OXR1: variants seen among roughly 807,000 people sequenced by gnomAD.
OXR1 encodes the protein oxidation resistance protein 1.
A neutral mutation model predicts 104.6 loss-of-function variants in OXR1; 41 were observed. The ratio of observed to expected loss-of-function variants is 0.39; its 90% CI spans 0.31 to 0.51. The LOEUF is 0.51. Ranked by LOEUF, OXR1 falls within the 20% of genes least tolerant of loss-of-function variation. OXR1 has a pLI of 0.77. For missense variants in OXR1, 955 were observed against 1,031.9 expected (o/e 0.93, Z 1.02); for synonymous variants, 348 against 348.4 (o/e 1.00, Z 0.01).
At chr8:106,651,108 T>C (rs1158264137) in intron 3 of OXR1, among the ~76,000 whole-genome samples, 1 of 152,180 alleles carries the variant, frequency 6.6e-6, no homozygotes, top group Non-Finnish European at 1.5e-5. Context: ...AAAATGACCC[T>C]CTTTGATGAT....
At chr8:106,581,498 T>A (rs187921116) in intron 3 of OXR1, among the ~76,000 whole-genome samples, 1 of 148,934 alleles carries the variant, frequency 6.7e-6, no homozygotes, top group Non-Finnish European at 1.5e-5. Flanking sequence ...TGATTCTGTG[T>A]TTTTTTTTTA....
intron 2 of OXR1, among the ~76,000 whole-genome samples, chr8:106,393,201 GAAGCAGT>G (rs1817648881): frequency 6.6e-6 from 1 of 152,164 alleles, no homozygotes; most frequent in Non-Finnish European, 1.5e-5. Context: ...GAAATTAGTA[GAAGCAGT>G]ATGGGCGAAT....
chr8:106,588,514 G>A (rs999880740), intron 3 of OXR1, among the ~76,000 whole-genome samples: 1 of 148,002 alleles, frequency 6.8e-6, no homozygotes, highest in African/African-American at 2.5e-5. Context: ...TTTTGAGACA[G>A]TCTTGCTCTG....
At chr8:106,421,350 T>C (rs1390671131) in intron 2 of OXR1, among the ~76,000 whole-genome samples, 1 of 152,154 alleles carries the variant, frequency 6.6e-6, no homozygotes, top group East Asian at 1.9e-4. Context: ...ATTGCCAAAA[T>C]AGTAGAATGC....
intron 2 of OXR1, among the ~76,000 whole-genome samples, chr8:106,444,642 A>T (rs1819938780): frequency 6.6e-6 from 1 of 152,102 alleles, no homozygotes; most frequent in African/African-American, 2.4e-5. Context: ...AACAATGAGA[A>T]CACAAGGACA....
intron 8 of OXR1, 93 bp downstream of exon 8, chr8:106,703,183 T>C (rs1830736705): frequency 1.4e-6 from 1 of 732,566 alleles, no homozygotes; most frequent in Non-Finnish European, 2.2e-6. Flanking sequence ...AGTTTTCTTA[T>C]AGCTGCCTTT....
chr8:106,526,580 T>C (rs181662366), intron 3 of OXR1, among the ~76,000 whole-genome samples: 3 of 152,362 alleles, frequency 2.0e-5, no homozygotes, highest in Admixed American at 1.3e-4. Context: ...TCTCGCTCTG[T>C]CGCCCAGGCT....
chr8:106,439,749 C>A (rs1160909705), intron 2 of OXR1, among the ~76,000 whole-genome samples: 1 of 152,036 alleles, frequency 6.6e-6, no homozygotes, highest in African/African-American at 2.4e-5. Context: ...ACTACTGAAT[C>A]CTTAATACTT....
At chr8:106,582,711 C>A (rs948565071) in intron 3 of OXR1, among the ~76,000 whole-genome samples, 1 of 152,064 alleles carries the variant, frequency 6.6e-6, no homozygotes, top group Non-Finnish European at 1.5e-5. Context: ...TGTTGTTTTT[C>A]CTCTTTTTAG....
chr8:106,634,764 T>C (rs978502908), intron 3 of OXR1, among the ~76,000 whole-genome samples: 1 of 151,362 alleles, frequency 6.6e-6, no homozygotes, highest in East Asian at 1.9e-4. Context: ...TGTTAAATAA[T>C]ACCACATGGA....
At chr8:106,273,084 C>T (rs947880191) in intron 1 of OXR1, among the ~76,000 whole-genome samples, 5 of 152,098 alleles carry the variant, frequency 3.3e-5, no homozygotes, top group African/African-American at 1.2e-4. Flanking sequence ...CGATCTCCTG[C>T]ATTTGAAATA....
intron 1 of OXR1, among the ~76,000 whole-genome samples, chr8:106,289,123 A>T (rs1393253056): frequency 6.6e-6 from 1 of 152,186 alleles, no homozygotes; most frequent in Non-Finnish European, 1.5e-5. Flanking sequence ...TAAGACAAGG[A>T]TGCCCACTCT....
intron 3 of OXR1, among the ~76,000 whole-genome samples, chr8:106,630,247 C>T (rs1822555297): frequency 6.6e-6 from 1 of 152,186 alleles, no homozygotes; most frequent in Admixed American, 6.5e-5. Context: ...GATAATGTTA[C>T]TTACTGTCCT....
intron 1 of OXR1, among the ~76,000 whole-genome samples, chr8:106,310,442 C>T (rs747159194): frequency 6.6e-6 from 1 of 152,140 alleles, no homozygotes; most frequent in Non-Finnish European, 1.5e-5. Context: ...CACTGTCATG[C>T]ACCATTTCCC....
chr8:106,425,728 G>A (rs548634759), intron 2 of OXR1, among the ~76,000 whole-genome samples: 2 of 152,290 alleles, frequency 1.3e-5, no homozygotes, highest in East Asian at 3.9e-4. Context: ...GGAAAGGAAA[G>A]CAAATAGAGA....
chr8:106,336,753 T>C (rs1321977530), intron 1 of OXR1, among the ~76,000 whole-genome samples: 2 of 152,192 alleles, frequency 1.3e-5, no homozygotes, highest in Non-Finnish European at 2.9e-5. Context: ...CTTAGATTAA[T>C]ACCAAATAGG....
chr8:106,374,323 C>T (rs1482241043), intron 2 of OXR1, among the ~76,000 whole-genome samples: 1 of 152,146 alleles, frequency 6.6e-6, no homozygotes, highest in Non-Finnish European at 1.5e-5. Context: ...CATTTTCCTT[C>T]TCTTTTTAAT....
chr8:106,608,863 G>A (rs888624999), intron 3 of OXR1, among the ~76,000 whole-genome samples: 1 of 152,072 alleles, frequency 6.6e-6, no homozygotes, highest in Non-Finnish European at 1.5e-5. Context: ...GGTTTATATC[G>A]TCCTACTCTG....
chr8:106,744,059 G>A (rs2131587684), intron 15 of OXR1, among the ~76,000 whole-genome samples: 1 of 152,314 alleles, frequency 6.6e-6, no homozygotes, highest in Middle Eastern at 3.4e-3. Flanking sequence ...AGGGTGTGGG[G>A]AGGGAGAGGA....
Sources: gnomAD v4.1 joint callset for allele counts (sites outside exome capture counted in the v4.1 genomes callset) on GRCh38, gnomAD v4.1.1 for gene constraint, MANE v1.5 for transcripts, NCBI Gene and HGNC (gene_info 2026-07-23, HGNC 2026-07-21) for gene names.